Variants in POMGNT1 observed in about 807,000 individuals in gnomAD.
The protein encoded by POMGNT1 is protein O-linked-mannose beta-1,2-N-acetylglucosaminyltransferase 1.
A neutral mutation model predicts 95.6 loss-of-function variants in POMGNT1; 67 were observed. The ratio of observed to expected loss-of-function variants is 0.70; its 90% CI spans 0.58 to 0.86. The LOEUF (loss-of-function observed/expected upper bound fraction) is 0.86. POMGNT1 is among the 40% of genes least tolerant of loss of function. POMGNT1 has a pLI of 0.00. For synonymous variants in POMGNT1, 298 were observed against 317.9 expected (o/e 0.94, Z 0.66); for missense variants, 719 against 855.2 (o/e 0.84, Z 1.99).
At position 46,196,874 on chromosome 1, in the gene POMGNT1, G is replaced by A. The variant is rs1658285677; in HGVS notation, c.236-25C>T. 1.2e-6 allele frequency: 2 copies of A among 1,614,170 alleles called. No homozygotes were observed. Among genetic ancestry groups the A allele is most frequent in the Non-Finnish European group, 1.7e-6 (2 of 1,180,036 alleles). On this transcript the variant is annotated intron_variant, in intron 3 of 21. Transcript: ENST00000371984. This position sits in a 1 kb window ranked among gnomAD's most constrained non-coding sequence, Gnocchi z 4.4. ...TCTGTGGGGTACAACAGGTCATGGA[G>A]ATAGTCTCCTCAGCAGAGTCTCACC...
chr1:46,217,753 A>C (rs1273394225), intron 1 of POMGNT1, among the ~76,000 whole-genome samples: 1 of 152,202 alleles, frequency 6.6e-6, no homozygotes, highest in Non-Finnish European at 1.5e-5. Context: ...GCTACTCAGC[A>C]GGCTGAGGCA....
chr1:46,200,161 G>A (rs149498658), upstream of POMGNT1, among the ~76,000 whole-genome samples: 7 of 152,138 alleles, frequency 4.6e-5, no homozygotes, highest in African/African-American at 1.4e-4. Context: ...GCAAGACTCC[G>A]TCTCAAAAAA....
rs563873084 is a variant in POMGNT1, at chr1:46,213,382, T to C, written c.-51+6323A>G. 6.1e-4 allele frequency among the ~76,000 whole-genome samples: 92 copies of C among 150,800 alleles called. 1 individual carries two copies. Among genetic ancestry groups the C allele is most frequent in the African/African-American group, 2.2e-3 (91 of 41,406 alleles). ...AAAAGTATATAAATTTTTTAAAATGTCATCTAGTTTGTGCATTTACCCTGT... is the reference window on the plus strand; with the variant it reads ...AAAAGTATATAAATTTTTTAAAATGCCATCTAGTTTGTGCATTTACCCTGT... On this transcript the variant is annotated intron_variant, in intron 1 of 22. Transcript: ENST00000371992.
intron 20 of POMGNT1, 47 bp from the exon 21 acceptor site, chr1:46,189,614 G>T: frequency 6.3e-7 from 1 of 1,580,166 alleles, no homozygotes; most frequent in East Asian, 2.3e-5. Context: ...GAGAGCTGTA[G>T]GGAGGGGTCA....
chr1:46,203,663 A>C lies in POMGNT1; in HGVS notation c.-50-5792T>G. On this transcript the variant is annotated intron_variant, in intron 1 of 22. Transcript: ENST00000371992. ...CCATGGGCCAAGGGGACGAGTCCCT[A>C]GTGTAGGGCCGGGAGGGACGAACTC... is the stretch of plus-strand genomic sequence containing the variant. 3.8e-6 allele frequency: 6 copies of C among 1,576,650 alleles called. No homozygotes were observed. In the South Asian group the frequency reaches 4.5e-5, roughly 12 times the overall value.
rs1244157163 is a variant in POMGNT1 at position 46,194,648 on chromosome 1, G to A, written c.656C>T (p.Pro219Leu). The A allele has an allele frequency of 6.2e-7, 1 of 1,614,248 alleles. No homozygotes were observed. The highest frequency in any genetic ancestry group is 8.5e-7 in the Non-Finnish European group (1 of 1,180,038). ...TTTAGAATGTTTCTCCCCGAAGACA[G>A]GACCTGGCAGGAGGCAGGAATGAGG... is the stretch of plus-strand genomic sequence containing the variant. ...TWAFVGRKGG[P>L]VFGEKHSKSP... Residue 219 changes from proline to leucine, a missense_variant, in exon 8 of 22, where the codon CCT becomes CTT. By Grantham distance (98) the Pro-to-Leu change is moderately conservative. This residue lies in a region of POMGNT1 where 466 missense variants were observed against 517.4 expected (regional missense o/e 0.90). Transcript: ENST00000371984.
upstream of POMGNT1, chr1:46,203,373 C>T (rs1432332004): frequency 1.4e-6 from 2 of 1,424,904 alleles, no homozygotes; most frequent in Non-Finnish European, 1.8e-6. Context: ...GGAGGACCCC[C>T]GGGAGCCGGT....
Position 46,196,007 on chromosome 1 carries a change from C to T in POMGNT1, c.420+5G>A. The T allele has an allele frequency of 6.2e-7, 1 of 1,614,082 alleles. No individual in the cohort carries two copies. The highest frequency in any genetic ancestry group is 8.5e-7 in the Non-Finnish European group (1 of 1,180,018). ...CCTCTGGGTCACCCACCCCTAGAAA[C>T]TCACCGTGGCCTGGTTGAGGACAAT... is the stretch of plus-strand genomic sequence containing the variant. On this transcript the variant is annotated splice_donor_5th_base_variant and intron_variant, in intron 5 of 21. Coordinates refer to ENST00000371984, the MANE Select transcript of POMGNT1 (RefSeq NM_017739.4). The surrounding 1 kb of genome is among the most constrained non-coding windows in gnomAD (Gnocchi z 4.4).
In POMGNT1 at chr1:46,219,772, G is replaced by T. The variant is rs529637681; in HGVS notation, c.-118C>A. On this transcript the variant is annotated 5_prime_UTR_variant, in exon 1 of 23. Transcript: ENST00000371992. ...TTGAATGAGGGCATCGAGGCAGTGC[G>T]CTGGCTGTTGGAGGAGCGGGGGACG... The T allele has an allele frequency of 2.5e-6, 4 of 1,614,008 alleles. 1 individual carries two copies. In the South Asian group the frequency reaches 3.3e-5, roughly 13 times the overall value.
rs762644652 is a variant in POMGNT1 at position 46,194,377 on chromosome 1, G to T, written c.776C>A (p.Thr259Lys). The T allele has an allele frequency of 6.2e-7, 1 of 1,614,232 alleles. No homozygotes were observed. Among genetic ancestry groups the T allele is most frequent in the Non-Finnish European group, 8.5e-7 (1 of 1,180,044 alleles). The change falls in exon 9 of 22, where the codon ACA (threonine) becomes AAA (lysine). Residue 259 changes from threonine (T) to lysine (K), a missense_variant. Thr to Lys is a moderately conservative substitution (Grantham distance 78). Coordinates refer to ENST00000371984, the MANE Select transcript of POMGNT1 (RefSeq NM_017739.4). Reference protein sequence around the residue: ...AEEAECHWADTELNRRRRRFC... With the variant: ...AEEAECHWADKELNRRRRRFC... ...GCGCCGGCGGCGACGGTTCAGCTCTGTGTCTGCCCAGTGGCACTCTGCCTC... is the reference window on the plus strand; with the variant it reads ...GCGCCGGCGGCGACGGTTCAGCTCTTTGTCTGCCCAGTGGCACTCTGCCTC...
At chr1:46,213,761 TC>T (rs1658976363) in intron 1 of POMGNT1, among the ~76,000 whole-genome samples, 1 of 151,814 alleles carries the variant, frequency 6.6e-6, no homozygotes, top group South Asian at 2.1e-4. Flanking sequence ...GAAATACCTC[TC>T]CAAGCCTTTA....
chr1:46,199,189 G>T (rs549647993), upstream of POMGNT1, among the ~76,000 whole-genome samples: 5 of 152,296 alleles, frequency 3.3e-5, no homozygotes, highest in African/African-American at 1.2e-4. Flanking sequence ...TGATCCGCCC[G>T]CCTTGGCCTC....
Position 46,192,208 on chromosome 1 carries a change from T to C in POMGNT1, c.1429A>G (p.Met477Val). The part of the protein sequence containing the change: ...PTPEKLWDWD[M>V]WMRMPEQRRG... ...CGTTGTTCAGGCATCCGCATCCACA[T>C]GTCCCAATCCCAGAGCTGGCAGACA... Residue 477 changes from methionine to valine, a missense_variant, in exon 17 of 22, where the codon ATG (methionine) becomes GTG (valine). Physicochemically the swap from Met to Val is conservative, Grantham distance 21. Coordinates refer to ENST00000371984, the MANE Select transcript of POMGNT1 (RefSeq NM_017739.4). 1 of 1,614,216 alleles carries C rather than the reference T, an allele frequency of 6.2e-7. No individual in the cohort carries two copies. The highest frequency in any genetic ancestry group is 8.5e-7 in the Non-Finnish European group (1 of 1,180,032).
Position 46,193,572 on chromosome 1 carries a change from A to G in POMGNT1, c.1018T>C (p.Tyr340His). 6.2e-7 allele frequency: 1 copy of G among 1,614,178 alleles called. No homozygotes were observed. The change falls in exon 11 of 22, where the codon TAC becomes CAC. Residue 340 changes from tyrosine to histidine, a missense_variant. Tyr to His is a moderately conservative substitution (Grantham distance 83, BLOSUM62 2). Coordinates refer to ENST00000371984, the MANE Select transcript of POMGNT1 (RefSeq NM_017739.4). ...CCCCAAGTCCTGCTCACCTCATAGT[A>G]GCCGTCAATGAAAACTGTTATCATC... The part of the protein sequence containing the change: ...PQMITVFIDG[Y>H]YEEPMDVVAL...
exon 1 of POMGNT1, chr1:46,219,842 G>A (rs766727534): frequency 3.1e-6 from 5 of 1,614,176 alleles, no homozygotes; most frequent in Non-Finnish European, 4.2e-6. Flanking sequence ...AATATAGCCT[G>A]ACAGGCGGGA....
upstream of POMGNT1, among the ~76,000 whole-genome samples, chr1:46,201,507 G>A (rs1262227903): frequency 6.6e-6 from 1 of 151,840 alleles, no homozygotes; most frequent in Non-Finnish European, 1.5e-5. Flanking sequence ...AGACCAGCCT[G>A]ACCAACATGG....
At chr1:46,219,951 G>A (rs1225283374) in exon 1 of POMGNT1, 4 of 1,614,266 alleles carry the variant, frequency 2.5e-6, no homozygotes, top group Non-Finnish European at 3.4e-6. Context: ...CCTGGACACA[G>A]TGGCCCCCAG....
chr1:46,208,288 A>C (rs1469755347), intron 1 of POMGNT1, among the ~76,000 whole-genome samples: 1 of 152,168 alleles, frequency 6.6e-6, no homozygotes, highest in Non-Finnish European at 1.5e-5. Context: ...CACAATGCCA[A>C]GCCAACCACA....
chr1:46,192,016 A>G, intron 17 of POMGNT1, 82 bp downstream of exon 17: 1 of 1,504,528 alleles, frequency 6.6e-7, no homozygotes, highest in African/African-American at 1.4e-5. Context: ...AGCAAGTAGC[A>G]GAGCTAAGAT....
Sources: allele counts gnomAD v4.1 joint callset (sites outside exome capture counted in the v4.1 genomes callset), GRCh38; gene constraint gnomAD v4.1.1; regional missense constraint gnomAD v4.1.1; non-coding constraint Gnocchi (gnomAD v3.1); transcripts MANE v1.5; gene names NCBI Gene and HGNC (gene_info 2026-07-23, HGNC 2026-07-21).